Variants in UBE2V2 observed in about 807,000 individuals in gnomAD.
UBE2V2 encodes the protein ubiquitin conjugating enzyme E2 V2.
A neutral mutation model predicts 17.2 loss-of-function variants in UBE2V2; 9 were observed. That is an observed-to-expected ratio of 0.52 (90% CI 0.32 to 0.91). The LOEUF (loss-of-function observed/expected upper bound fraction) is 0.91, where lower values mean the gene tolerates loss of function less well. UBE2V2 is among the 40% of genes least tolerant of loss of function. The pLI is 0.04. For synonymous variants in UBE2V2, 61 were observed against 57.5 expected (o/e 1.06, Z -0.28); for missense variants, 133 against 182.6 (o/e 0.73, Z 1.56).
At chr8:47,999,986 T>C in the UBE2V2 span, among the ~76,000 whole-genome samples, 1 of 152,252 alleles carries the variant, frequency 6.6e-6, no homozygotes, top group Non-Finnish European at 1.5e-5. Flanking sequence ...ACAATGCTTT[T>C]CCATACAATG....
At chr8:48,034,893 T>A (rs779609458) in intron 1 of UBE2V2, 2 of 298,760 alleles carry the variant, frequency 6.7e-6, no homozygotes, top group African/African-American at 2.3e-5. Context: ...CATCAGCTGG[T>A]GAAGGGATAG....
chr8:48,039,120 G>A (rs1373978871), intron 1 of UBE2V2, among the ~76,000 whole-genome samples: 2 of 151,858 alleles, frequency 1.3e-5, no homozygotes, highest in African/African-American at 4.8e-5. Context: ...GGCTGGTCTC[G>A]AACTCCTGCC....
At chr8:48,038,155 C>T (rs941774927) in intron 1 of UBE2V2, among the ~76,000 whole-genome samples, 2 of 152,174 alleles carry the variant, frequency 1.3e-5, no homozygotes, top group African/African-American at 4.8e-5. Context: ...CGTGAATACA[C>T]ATATACCCAC....
At chr8:48,003,650 G>T (rs1412808074), upstream of UBE2V2, among the ~76,000 whole-genome samples, 1 of 152,134 alleles carries the variant, frequency 6.6e-6, no homozygotes, top group Non-Finnish European at 1.5e-5. Flanking sequence ...GGATTAAAAT[G>T]GATCTGATTT....
At chr8:48,031,318 A>G (rs2091381856) in intron 1 of UBE2V2, among the ~76,000 whole-genome samples, 1 of 152,242 alleles carries the variant, frequency 6.6e-6, no homozygotes, top group Non-Finnish European at 1.5e-5. Context: ...GCTTTTCTGA[A>G]GTAAAACTAC....
At chr8:48,041,458 A>G (rs999377425) in intron 1 of UBE2V2, among the ~76,000 whole-genome samples, 4 of 152,114 alleles carry the variant, frequency 2.6e-5, no homozygotes, top group African/African-American at 9.7e-5. Context: ...TCACACACAC[A>G]AAATAACACA....
At chr8:48,053,669 G>A (rs1417164079) in intron 3 of UBE2V2, among the ~76,000 whole-genome samples, 5 of 151,274 alleles carry the variant, frequency 3.3e-5, no homozygotes, top group African/African-American at 7.3e-5. Context: ...CAAATGATCC[G>A]CCCGCCTCGG....
At chr8:48,042,840 G>A (rs779832636) in intron 1 of UBE2V2, 193 bp from the exon 2 acceptor site, 246 of 458,368 alleles carry the variant, frequency 5.4e-4, no homozygotes, top group Middle Eastern at 2.4e-3. Flanking sequence ...GTTTGGTACA[G>A]TGCTTTCTTT....
chr8:48,050,033 TTATAC>T, intron 3 of UBE2V2, 55 bp downstream of exon 3: 1 of 1,242,574 alleles, frequency 8.0e-7, no homozygotes. Context: ...GAGTTATATA[TTATAC>T]GTACACACAC....
intron 1 of UBE2V2, among the ~76,000 whole-genome samples, chr8:48,023,295 G>T (rs544135348): frequency 2.0e-4 from 30 of 150,674 alleles, no homozygotes; most frequent in African/African-American, 7.3e-4. Flanking sequence ...GGCTCACTGC[G>T]ACCTCCGCCT....
intron 1 of UBE2V2, among the ~76,000 whole-genome samples, chr8:48,032,629 G>T (rs2091391526): frequency 1.3e-5 from 2 of 152,062 alleles, no homozygotes; most frequent in Admixed American, 1.3e-4. Context: ...GGCGGTGCAT[G>T]CCTGCAGTCC....
chr8:48,002,759 A>G, the UBE2V2 span, among the ~76,000 whole-genome samples: 1 of 152,234 alleles, frequency 6.6e-6, no homozygotes, highest in African/African-American at 2.4e-5. Flanking sequence ...ATTCAGATCT[A>G]TAGTTAATAA....
intron 1 of UBE2V2, among the ~76,000 whole-genome samples, chr8:48,023,426 G>T (rs2091318917): frequency 6.6e-6 from 1 of 151,728 alleles, no homozygotes; most frequent in South Asian, 2.1e-4. Context: ...ATGTTTGCCA[G>T]GCTGGTCTTG....
intron 1 of UBE2V2, among the ~76,000 whole-genome samples, chr8:48,036,522 C>G (rs2154507518): frequency 6.6e-6 from 1 of 152,054 alleles, no homozygotes; most frequent in South Asian, 2.1e-4. Flanking sequence ...CAACCTCTGC[C>G]ACCTGGGTTC....
At chr8:48,047,772 T>C (rs1009814992) in intron 2 of UBE2V2, among the ~76,000 whole-genome samples, 7 of 152,048 alleles carry the variant, frequency 4.6e-5, no homozygotes, top group African/African-American at 1.7e-4. Flanking sequence ...GGTCTCGAAC[T>C]CCTGACCTCA....
At chr8:48,014,366 C>T (rs1040314849) in intron 1 of UBE2V2, among the ~76,000 whole-genome samples, 3 of 152,028 alleles carry the variant, frequency 2.0e-5, no homozygotes, top group South Asian at 2.1e-4. Flanking sequence ...AGGAAAGGGC[C>T]GGGCATGGTG....
chr8:48,008,418 C>A (rs753339675), upstream of UBE2V2: 1 of 1,559,514 alleles, frequency 6.4e-7, no homozygotes, highest in Non-Finnish European at 8.7e-7. Flanking sequence ...ACGGTTCGTG[C>A]GTGCGTGCGG....
chr8:48,025,705 T>A (rs2091339556), intron 1 of UBE2V2, among the ~76,000 whole-genome samples: 2 of 152,004 alleles, frequency 1.3e-5, no homozygotes, highest in South Asian at 4.1e-4. Context: ...GTTCACGCCA[T>A]TCTCTTGCCT....
At chr8:47,998,300 T>C in the UBE2V2 span, among the ~76,000 whole-genome samples, 1 of 151,940 alleles carries the variant, frequency 6.6e-6, no homozygotes, top group South Asian at 2.1e-4. Context: ...GCTCCTATTA[T>C]GAATGGAAGT....
Sources: allele counts gnomAD v4.1 joint callset (sites outside exome capture counted in the v4.1 genomes callset), GRCh38; gene constraint gnomAD v4.1.1; transcripts MANE v1.5; gene names NCBI Gene and HGNC (gene_info 2026-07-23, HGNC 2026-07-21).